The following C2CD5 variants were observed in gnomAD, a reference collection of about 807,000 sequenced individuals.
The protein encoded by C2CD5 is C2 domain-containing protein 5.
Under a neutral mutation model 130.3 loss-of-function variants are expected in C2CD5, and 109 were observed. That is an observed-to-expected ratio of 0.84 (90% CI 0.72 to 0.98). The LOEUF (loss-of-function observed/expected upper bound fraction) is 0.98. Among genes scored for constraint, C2CD5 ranks in the 50% least tolerant of loss-of-function variants. The probability of loss-of-function intolerance (pLI) is 0.00; values close to 1 mark genes in which losing one functional copy is unlikely to be tolerated. For synonymous variants in C2CD5, 454 were observed against 429.2 expected, an observed-to-expected ratio of 1.06 and a Z score of -0.71; for missense variants, 996 against 1,261.8, an observed-to-expected ratio of 0.79 and a Z score of 3.19.
intron 9 of C2CD5, among the ~76,000 whole-genome samples, chr12:22,509,883 T>G (rs1264389200): frequency 6.6e-6 from 1 of 152,336 alleles, no homozygotes; most frequent in South Asian, 2.1e-4. Flanking sequence ...TTACACCTGA[T>G]GAATTTATAG....
intron 3 of C2CD5, among the ~76,000 whole-genome samples, chr12:22,530,095 TATATATATATATATATACACAC>T (rs1409734288): frequency 3.6e-5 from 4 of 111,206 alleles, no homozygotes; most frequent in African/African-American, 1.6e-4. Context: ...TATATATATA[TATATATATATATATATACACAC>T]ACACACACAC....
chr12:22,456,960 T>C lies in C2CD5; in HGVS notation c.2877+11A>G. The C allele has an allele frequency of 6.6e-7, 1 of 1,505,964 alleles. No individual in the cohort carries two copies. The highest frequency in any genetic ancestry group is 9.0e-7 in the Non-Finnish European group (1 of 1,112,932). The allele number at this position is 1,505,964 out of a possible 1,614,324, so 93.3% of individuals were successfully genotyped here. A position where few individuals can be genotyped will look rare whatever the true frequency, so the allele number is the denominator to read the frequency against. ...ATTTTTTAAAAAATGAAATAACTTC[T>C]ATAAAATTACCTCCCGAAGAGAAGT... is the stretch of plus-strand genomic sequence containing the variant. On this transcript the variant is annotated intron_variant, in intron 25 of 26. Coordinates refer to ENST00000446597, the MANE Select transcript of C2CD5 (RefSeq NM_001286176.2).
chr12:22,473,392 G>A (rs145767817), intron 16 of C2CD5, among the ~76,000 whole-genome samples: 7 of 152,130 alleles, frequency 4.6e-5, no homozygotes, highest in East Asian at 3.9e-4. Flanking sequence ...ATCACCCTCA[G>A]GACTTCAAGA....
At chr12:22,485,728 A>C (rs1010565397) in intron 12 of C2CD5, among the ~76,000 whole-genome samples, 11 of 152,140 alleles carry the variant, frequency 7.2e-5, no homozygotes, top group Admixed American at 5.2e-4. Context: ...AAAGGATGAA[A>C]ACTGAAGCAA....
intron 14 of C2CD5, among the ~76,000 whole-genome samples, chr12:22,482,332 T>C (rs940022518): frequency 6.6e-6 from 1 of 152,168 alleles, no homozygotes; most frequent in Admixed American, 6.5e-5. Context: ...AAGCGACAAA[T>C]GATAATTTTT....
chr12:22,531,309 A>C (rs2137162274), intron 3 of C2CD5, among the ~76,000 whole-genome samples: 1 of 152,362 alleles, frequency 6.6e-6, no homozygotes, highest in South Asian at 2.1e-4. Flanking sequence ...TGAGAAGAGA[A>C]TCAAAATATT....
chr12:22,450,011 A>G, intron 26 of C2CD5, 120 bp from the exon 27 acceptor site: 1 of 722,146 alleles, frequency 1.4e-6, no homozygotes, highest in Admixed American at 2.5e-5. Context: ...TAGGATAAAG[A>G]TAGGCAATCC....
At chr12:22,527,161 A>G (rs917236647) in intron 4 of C2CD5, among the ~76,000 whole-genome samples, 1 of 152,118 alleles carries the variant, frequency 6.6e-6, no homozygotes, top group African/African-American at 2.4e-5. Context: ...ACACAGTATC[A>G]ATACTAGATC....
intron 12 of C2CD5, among the ~76,000 whole-genome samples, chr12:22,488,597 A>T (rs2136402016): frequency 6.6e-6 from 1 of 152,248 alleles, no homozygotes; most frequent in African/African-American, 2.4e-5. Flanking sequence ...AAATCTACAG[A>T]CGTGTAAGAA....
At chr12:22,487,056 AAG>A (rs1248391800) in intron 12 of C2CD5, among the ~76,000 whole-genome samples, 1 of 152,192 alleles carries the variant, frequency 6.6e-6, no homozygotes, top group Non-Finnish European at 1.5e-5. Flanking sequence ...AAATTAATTT[AAG>A]ATGGATTAAA....
chr12:22,520,147 G>C (rs1032630543), intron 7 of C2CD5, among the ~76,000 whole-genome samples: 4 of 152,040 alleles, frequency 2.6e-5, no homozygotes, highest in African/African-American at 7.2e-5. Context: ...TAAGAATCCT[G>C]AATTTAATAT....
At chr12:22,509,982 A>G (rs1190554553) in intron 9 of C2CD5, among the ~76,000 whole-genome samples, 1 of 152,194 alleles carries the variant, frequency 6.6e-6, no homozygotes, top group Non-Finnish European at 1.5e-5. Context: ...AGGTAGGTGG[A>G]TCACCTGAGG....
At chr12:22,541,027 G>A (rs928526325) in intron 2 of C2CD5, among the ~76,000 whole-genome samples, 1 of 152,182 alleles carries the variant, frequency 6.6e-6, no homozygotes, top group Non-Finnish European at 1.5e-5. Context: ...GGGTCTCACA[G>A]TTGAGAAACA....
At position 22,474,873 on chromosome 12, in the gene C2CD5, T is replaced by C; in HGVS notation, c.1921A>G (p.Ile641Val). 6.3e-7 allele frequency: 1 copy of C among 1,593,600 alleles called. No homozygotes were observed. Among genetic ancestry groups the C allele is most frequent in the African/African-American group, 1.3e-5 (1 of 74,242 alleles). Reference sequence around the variant, plus strand: ...CTAGGTTCTGGGATGGGTGATCCTATAATCTCTTCAGATATCTCCTAAAAG... The same window carrying C: ...CTAGGTTCTGGGATGGGTGATCCTACAATCTCTTCAGATATCTCCTAAAAG... Reference protein sequence around the residue: ...INPPEISEEIIGSPIPEPRQR... With the variant: ...INPPEISEEIVGSPIPEPRQR... Residue 641 changes from isoleucine (I) to valine (V), a missense_variant, in exon 16 of 27, where the codon ATA becomes GTA. Ile to Val is a conservative substitution (Grantham distance 29). Coordinates refer to ENST00000446597, the MANE Select transcript of C2CD5 (RefSeq NM_001286176.2).
chr12:22,528,940 A>G (rs1366989440), intron 3 of C2CD5, among the ~76,000 whole-genome samples: 5 of 152,200 alleles, frequency 3.3e-5, no homozygotes. Context: ...GGAATTATTG[A>G]TATCATTAGT....
At chr12:22,531,634 G>A (rs909534215) in intron 3 of C2CD5, among the ~76,000 whole-genome samples, 1 of 152,174 alleles carries the variant, frequency 6.6e-6, no homozygotes, top group African/African-American at 2.4e-5. Flanking sequence ...TCCTTAGAGA[G>A]ATCCATTTGC....
chr12:22,480,731 T>C (rs1227718691), intron 14 of C2CD5, among the ~76,000 whole-genome samples: 2 of 152,186 alleles, frequency 1.3e-5, no homozygotes, highest in Non-Finnish European at 2.9e-5. Flanking sequence ...ATGTCCTCAC[T>C]AGGCATACAA....
chr12:22,504,993 A>G (rs1416822826), intron 10 of C2CD5, among the ~76,000 whole-genome samples: 1 of 152,142 alleles, frequency 6.6e-6, no homozygotes, highest in Non-Finnish European at 1.5e-5. Flanking sequence ...AAAAAAGAGA[A>G]AACCAGTGCT....
At chr12:22,538,325 C>T (rs1378842121) in intron 2 of C2CD5, among the ~76,000 whole-genome samples, 2 of 152,076 alleles carry the variant, frequency 1.3e-5, no homozygotes, top group Non-Finnish European at 2.9e-5. Flanking sequence ...TTTTTAGTAA[C>T]CATTTCCATG....
Sources: gnomAD v4.1 joint callset for allele counts (sites outside exome capture counted in the v4.1 genomes callset) on GRCh38, gnomAD v4.1.1 for gene constraint, MANE v1.5 for transcripts, NCBI Gene and HGNC (gene_info 2026-07-23, HGNC 2026-07-21) for gene names.